CCDC138: variants seen among roughly 807,000 people sequenced by gnomAD.
CCDC138 encodes the protein coiled-coil domain-containing protein 138.
CCDC138 carries 66 observed loss-of-function variants against 82.3 expected under a neutral mutation model. That is an observed-to-expected ratio of 0.80 (90% CI 0.66 to 0.98). The LOEUF is 0.98. CCDC138 is among the 50% of genes least tolerant of loss of function. CCDC138 has a pLI of 0.00. For missense variants in CCDC138, 816 were observed against 758.9 expected (o/e 1.08, Z -0.88); for synonymous variants, 297 against 265.4 (o/e 1.12, Z -1.16).
At chr2:108,862,893 A>G (rs1455013902) in intron 13 of CCDC138, among the ~76,000 whole-genome samples, 1 of 152,202 alleles carries the variant, frequency 6.6e-6, no homozygotes, top group African/African-American at 2.4e-5. Context: ...ATCCTAGGAA[A>G]TATTACAAGG....
intron 11 of CCDC138, among the ~76,000 whole-genome samples, chr2:108,841,001 G>T (rs1220481677): frequency 1.3e-5 from 2 of 150,616 alleles, no homozygotes; most frequent in Non-Finnish European, 3.0e-5. Context: ...TTGTGTGTGT[G>T]TTTTTTGTTT....
At chr2:108,848,952 T>G (rs1318245253) in intron 12 of CCDC138, among the ~76,000 whole-genome samples, 1 of 152,196 alleles carries the variant, frequency 6.6e-6, no homozygotes, top group African/African-American at 2.4e-5. Context: ...AAGTCTTTAC[T>G]GCAGTTATTA....
intron 3 of CCDC138, among the ~76,000 whole-genome samples, chr2:108,789,345 C>T (rs1433392439): frequency 1.3e-5 from 2 of 152,122 alleles, no homozygotes; most frequent in African/African-American, 4.8e-5. Flanking sequence ...GTAATCCCAG[C>T]ACTTTGGGAG....
chr2:108,809,560 T>C (rs1363193093), intron 7 of CCDC138, among the ~76,000 whole-genome samples: 1 of 151,978 alleles, frequency 6.6e-6, no homozygotes, highest in East Asian at 1.9e-4. Context: ...GTTAAATTTA[T>C]TCCCAGCTAT....
chr2:108,793,706 C>A (rs1435683861), intron 4 of CCDC138, among the ~76,000 whole-genome samples: 1 of 151,884 alleles, frequency 6.6e-6, no homozygotes, highest in African/African-American at 2.4e-5. Context: ...ACGCCACTCT[C>A]CTGCCTCAGC....
At chr2:108,878,748 ATTGATGGGGCC>A (rs1696190554), downstream of CCDC138, among the ~76,000 whole-genome samples, 1 of 152,236 alleles carries the variant, frequency 6.6e-6, no homozygotes. Context: ...AAAACTAAGA[ATTGATGGGGCC>A]TTGAGATTGA....
intron 7 of CCDC138, among the ~76,000 whole-genome samples, chr2:108,808,437 T>A (rs941639978): frequency 6.6e-6 from 1 of 152,176 alleles, no homozygotes; most frequent in Non-Finnish European, 1.5e-5. Context: ...ACCTGAATAC[T>A]TGTGTTTTTC....
chr2:108,866,773 C>T (rs1338237940), intron 13 of CCDC138, among the ~76,000 whole-genome samples: 1 of 151,896 alleles, frequency 6.6e-6, no homozygotes, highest in Non-Finnish European at 1.5e-5. Flanking sequence ...ATCCCAGTTA[C>T]TCGGGAGACT....
chr2:108,877,312 A>T (rs1208942275), downstream of CCDC138, among the ~76,000 whole-genome samples: 1 of 151,140 alleles, frequency 6.6e-6, no homozygotes, highest in African/African-American at 2.4e-5. Context: ...TACAAAAAAA[A>T]ACAGAATTAG....
chr2:108,816,993 A>G (rs1684909787), intron 10 of CCDC138, among the ~76,000 whole-genome samples: 3 of 152,218 alleles, frequency 2.0e-5, no homozygotes, highest in South Asian at 2.1e-4. Flanking sequence ...CACTGTGCCC[A>G]GACCCAGTCA....
chr2:108,840,151 A>G lies in CCDC138; in HGVS notation c.1323+850A>G, dbSNP rs557172580. Among the ~76,000 whole-genome samples the G allele has an allele frequency of 4.6e-5, 7 of 152,236 alleles. No individual in the cohort carries two copies. In the South Asian group the frequency reaches 1.4e-3, roughly 32 times the overall value. The stretch of plus-strand genomic sequence containing the variant: ...TCTTTAACTTGTTAATATGAATTAC[A>G]TTGACTTTGAAATATTAAAGTCTCT... On this transcript the variant is annotated intron_variant, in intron 11 of 14. Coordinates refer to ENST00000295124, the MANE Select transcript of CCDC138 (RefSeq NM_144978.3).
At chr2:108,792,126 A>G (rs757593835) in intron 4 of CCDC138, among the ~76,000 whole-genome samples, 1 of 152,224 alleles carries the variant, frequency 6.6e-6, no homozygotes, top group Non-Finnish European at 1.5e-5. Context: ...ATTTCTGGGC[A>G]CTGAACTGCC....
chr2:108,877,677 T>C (rs1336670602), downstream of CCDC138, among the ~76,000 whole-genome samples: 2 of 152,086 alleles, frequency 1.3e-5, no homozygotes, highest in Non-Finnish European at 2.9e-5. Context: ...TTGGTGTCTC[T>C]GAAGAAAAGA....
chr2:108,799,141 A>G (rs1681455757), intron 6 of CCDC138, among the ~76,000 whole-genome samples: 1 of 152,126 alleles, frequency 6.6e-6, no homozygotes, highest in Non-Finnish European at 1.5e-5. Flanking sequence ...TTGAATCTAG[A>G]GCACTCAACC....
At chr2:108,856,651 CTAAATT>C in intron 12 of CCDC138, 137 bp from the exon 13 acceptor site, 1 of 707,998 alleles carries the variant, frequency 1.4e-6, no homozygotes, top group Non-Finnish European at 2.3e-6. Context: ...CAGTTAGAAT[CTAAATT>C]TAGACTGTGA....
chr2:108,848,087 A>C (rs1690789422), intron 12 of CCDC138, among the ~76,000 whole-genome samples: 1 of 152,246 alleles, frequency 6.6e-6, no homozygotes, highest in Admixed American at 6.5e-5. Flanking sequence ...GCATAGATTC[A>C]CTAAAGATCA....
At chr2:108,844,682 A>ACAACC (rs1690132192) in intron 11 of CCDC138, among the ~76,000 whole-genome samples, 1 of 152,148 alleles carries the variant, frequency 6.6e-6, no homozygotes, top group Non-Finnish European at 1.5e-5. Flanking sequence ...AGCTTCAGCA[A>ACAACC]CAACCCAGAG....
At chr2:108,806,844 T>C (rs1043068906) in intron 7 of CCDC138, among the ~76,000 whole-genome samples, 12 of 152,214 alleles carry the variant, frequency 7.9e-5, no homozygotes, top group African/African-American at 2.9e-4. Flanking sequence ...CTAGCCAAGC[T>C]GAGGAGGCAA....
chr2:108,884,277 G>T (rs1696371625), intron 2 of CCDC138: 1 of 152,164 alleles, frequency 6.6e-6, no homozygotes, highest in South Asian at 2.1e-4. Flanking sequence ...AGGGACCATG[G>T]TGCCTGGTCT....
Sources: allele counts gnomAD v4.1 joint callset (sites outside exome capture counted in the v4.1 genomes callset), GRCh38; gene constraint gnomAD v4.1.1; transcripts MANE v1.5; gene names NCBI Gene and HGNC (gene_info 2026-07-23, HGNC 2026-07-21).